Variants in CTNNA1 observed in about 807,000 individuals in gnomAD.
The protein encoded by CTNNA1 is catenin alpha 1.
CTNNA1 carries 37 observed loss-of-function variants against 98.4 expected under a neutral mutation model. The observed-to-expected ratio is 0.38, with a 90% CI of 0.29 to 0.49. The LOEUF is 0.49. Ranked by LOEUF, CTNNA1 falls within the 20% of genes least tolerant of loss-of-function variation. The pLI, the probability that CTNNA1 is intolerant of heterozygous loss-of-function variation, is 0.95. For synonymous variants in CTNNA1, 404 were observed against 413.2 expected, an observed-to-expected ratio of 0.98 and a Z score of 0.27; for missense variants, 761 against 1,147.2, an observed-to-expected ratio of 0.66 and a Z score of 4.86.
chr5:138,928,311 A>T (rs971888886), intron 13 of CTNNA1, among the ~76,000 whole-genome samples: 1 of 152,230 alleles, frequency 6.6e-6, no homozygotes, highest in African/African-American at 2.4e-5. Flanking sequence ...ATTTTATTTC[A>T]TAATTAAAGC....
chr5:138,878,606 T>G (rs1366753515), intron 7 of CTNNA1, among the ~76,000 whole-genome samples: 1 of 152,210 alleles, frequency 6.6e-6, no homozygotes, highest in East Asian at 1.9e-4. Flanking sequence ...TGGCAGGGCT[T>G]AGATGGCTGT....
At chr5:138,754,821 G>A (rs146660051) in intron 1 of CTNNA1, 2 of 152,122 alleles carry the variant, frequency 1.3e-5, no homozygotes, top group East Asian at 3.8e-4. Context: ...GCAGTGACAC[G>A]ATCATGACTC....
intron 3 of CTNNA1, among the ~76,000 whole-genome samples, chr5:138,799,857 G>GATGGATGT (rs151142176): frequency 4.5e-3 from 674 of 149,130 alleles, no homozygotes; most frequent in African/African-American, 0.011. Flanking sequence ...AGTAGATGTA[G>GATGGATGT]ATGTATGTAT....
intron 13 of CTNNA1, among the ~76,000 whole-genome samples, chr5:138,926,708 A>ATT: frequency 6.7e-6 from 1 of 149,792 alleles, no homozygotes; most frequent in East Asian, 2.0e-4. Context: ...GCCTATGATG[A>ATT]TTTCTCCCAT....
Position 138,924,493 on chromosome 5 carries a change from T to C in CTNNA1, c.1547-17T>C. ...AGAAAGCCTCCTTCCTCATTCAACTTTTTGCTTGTTCTCCAGAGAATCACA... is the reference window on the plus strand; with the variant it reads ...AGAAAGCCTCCTTCCTCATTCAACTCTTTGCTTGTTCTCCAGAGAATCACA... On this transcript the variant is annotated splice_polypyrimidine_tract_variant and intron_variant, in intron 11 of 17. Coordinates refer to ENST00000302763, the MANE Select transcript of CTNNA1 (RefSeq NM_001903.5). The C allele has an allele frequency of 6.2e-7, 1 of 1,613,682 alleles. No homozygotes were observed. The highest frequency in any genetic ancestry group is 8.5e-7 in the Non-Finnish European group (1 of 1,179,810).
At chr5:138,929,172 C>A in intron 13 of CTNNA1, 74 bp from the exon 14 acceptor site, 1 of 830,998 alleles carries the variant, frequency 1.2e-6, no homozygotes, top group East Asian at 2.4e-5. Context: ...GTGCACCTGG[C>A]CAAGAGGCTC....
Position 138,845,773 on chromosome 5 carries a change from T to G in CTNNA1, c.1062+18055T>G, listed in dbSNP as rs189694560. On this transcript the variant is annotated intron_variant, in intron 7 of 17. Coordinates refer to ENST00000302763, the MANE Select transcript of CTNNA1 (RefSeq NM_001903.5). ...TTACTGTTAAGAAAAGGACAACAAATTTAGAGCTTTTAAGCTTATAACCGA... is the reference window on the plus strand; with the variant it reads ...TTACTGTTAAGAAAAGGACAACAAAGTTAGAGCTTTTAAGCTTATAACCGA... Among the ~76,000 whole-genome samples the G allele has an allele frequency of 4.5e-3, 678 of 152,290 alleles. 11 individuals carry two copies. Among genetic ancestry groups the G allele is most frequent in the African/African-American group, 0.011 (439 of 41,564 alleles).
chr5:138,803,119 C>T lies in CTNNA1; in HGVS notation c.302-6919C>T, dbSNP rs567466064. On this transcript the variant is annotated intron_variant, in intron 3 of 17. Transcript: ENST00000302763. ...TTGAAAATAAAGTAGAAAATAATTC[C>T]TTTAGTAGCCCTTGCTTTTCCTCCT... 3.9e-4 allele frequency among the ~76,000 whole-genome samples: 59 copies of T among 151,676 alleles called. 1 individual carries two copies. Among genetic ancestry groups the T allele is most frequent in the East Asian group, 1.9e-4 (1 of 5,132 alleles).
At chr5:138,783,424 C>A (rs1195309357) in intron 3 of CTNNA1, 52 bp downstream of exon 3, 1 of 1,507,228 alleles carries the variant, frequency 6.6e-7, no homozygotes, top group South Asian at 1.2e-5. Flanking sequence ...TCTAGAAAAT[C>A]AGTGTTTGAA....
chr5:138,833,253 T>C (rs1325011825), intron 7 of CTNNA1, among the ~76,000 whole-genome samples: 1 of 152,256 alleles, frequency 6.6e-6, no homozygotes, highest in Non-Finnish European at 1.5e-5. Flanking sequence ...CGTGTTTGAC[T>C]GACTGGCGTT....
At chr5:138,870,940 C>T (rs1433483706) in intron 7 of CTNNA1, 1 of 152,170 alleles carries the variant, frequency 6.6e-6, no homozygotes, top group Non-Finnish European at 1.5e-5. Context: ...ATACTCACCA[C>T]TCGAGATCAA....
At chr5:138,860,575 A>G (rs1764175846) in intron 7 of CTNNA1, among the ~76,000 whole-genome samples, 2 of 152,034 alleles carry the variant, frequency 1.3e-5, no homozygotes, top group African/African-American at 4.8e-5. Context: ...AGCTCGCTGC[A>G]TCCTCTGCCG....
intron 6 of CTNNA1, 150 bp downstream of exon 6, chr5:138,824,949 C>T: frequency 1.4e-6 from 1 of 734,782 alleles, no homozygotes; most frequent in Non-Finnish European, 2.2e-6. Flanking sequence ...AATCATCAGT[C>T]TACTTGATTT....
Position 138,762,641 on chromosome 5 carries a change from G to GT in CTNNA1, c.-3+9143dup, listed in dbSNP as rs547785205. Reference sequence around the variant, plus strand: ...CTTTTTGATTGGGATTTAATTTGTGGTTTTTTTTTTTTACCAGCTGTAAGT... The same window carrying GT: ...CTTTTTGATTGGGATTTAATTTGTGGTTTTTTTTTTTTTACCAGCTGTAAGT... On this transcript the variant is annotated intron_variant, in intron 1 of 17. Coordinates refer to ENST00000302763, the MANE Select transcript of CTNNA1 (RefSeq NM_001903.5). 5.9e-3 allele frequency among the ~76,000 whole-genome samples: 855 copies of GT among 144,000 alleles called. 3 individuals carry two copies. Among genetic ancestry groups the GT allele is most frequent in the Admixed American group, 9.2e-3 (133 of 14,438 alleles). 94.5% of individuals were successfully genotyped at this position (144,000 alleles called of 152,430 possible).
chr5:138,818,562 GCT>G, intron 5 of CTNNA1, among the ~76,000 whole-genome samples: 1 of 152,108 alleles, frequency 6.6e-6, no homozygotes, highest in Non-Finnish European at 1.5e-5. Context: ...GTGTGTGTTG[GCT>G]CTGTGTCCAG....
intron 11 of CTNNA1, among the ~76,000 whole-genome samples, chr5:138,922,077 A>G (rs1763029589): frequency 6.6e-6 from 1 of 152,206 alleles, no homozygotes; most frequent in African/African-American, 2.4e-5. Context: ...TACCCAGGGC[A>G]GAGGGTACAA....
At chr5:138,783,109 C>T (rs1167268415) in intron 2 of CTNNA1, 68 bp from the exon 3 acceptor site, 3 of 1,208,572 alleles carry the variant, frequency 2.5e-6, no homozygotes, top group Non-Finnish European at 3.4e-6. Flanking sequence ...CTTAATCTTG[C>T]TGTCTTTAAA....
At chr5:138,773,600 C>T (rs779126080) in intron 1 of CTNNA1, among the ~76,000 whole-genome samples, 1 of 151,920 alleles carries the variant, frequency 6.6e-6, no homozygotes, top group Admixed American at 6.6e-5. Flanking sequence ...ACACTGAGTT[C>T]TCAATTTTCA....
rs533263180 is a variant in CTNNA1 at position 138,798,335 on chromosome 5, T to C, written c.302-11703T>C. Reference sequence around the variant, plus strand: ...CCCAAAGTAACACAGCTGCCAAATATCGAAGCTGGATTTAGACCCAGTTCC... The same window carrying C: ...CCCAAAGTAACACAGCTGCCAAATACCGAAGCTGGATTTAGACCCAGTTCC... On this transcript the variant is annotated intron_variant, in intron 3 of 17. Transcript: ENST00000302763. Among the ~76,000 whole-genome samples, 3 of 152,340 alleles carry C rather than the reference T, an allele frequency of 2.0e-5. No individual in the cohort carries two copies. In the East Asian group the frequency reaches 5.8e-4, roughly 29 times the overall value.
Sources: allele counts gnomAD v4.1 joint callset (sites outside exome capture counted in the v4.1 genomes callset), GRCh38; gene constraint gnomAD v4.1.1; transcripts MANE v1.5; gene names NCBI Gene and HGNC (gene_info 2026-07-23, HGNC 2026-07-21).